The following DACH1 variants were observed in gnomAD, a reference collection of about 807,000 sequenced individuals.
DACH1 encodes the protein dachshund family transcription factor 1, also known as dachshund homolog 1.
A neutral mutation model predicts 54.2 loss-of-function variants in DACH1; 12 were observed. The ratio of observed to expected loss-of-function variants is 0.22; its 90% CI spans 0.14 to 0.36. The LOEUF (loss-of-function observed/expected upper bound fraction) is 0.36. DACH1 is among the 10% of genes least tolerant of loss of function. The pLI is 1.00. For missense variants in DACH1, 805 were observed against 929.8 expected, an observed-to-expected ratio of 0.87 and a Z score of 1.75; for synonymous variants, 386 against 366.2, an observed-to-expected ratio of 1.05 and a Z score of -0.62.
intron 6 of DACH1, among the ~76,000 whole-genome samples, chr13:71,531,326 G>T (rs1293073644): frequency 6.6e-6 from 1 of 151,920 alleles, no homozygotes; most frequent in African/African-American, 2.4e-5. Context: ...CAAATACATT[G>T]TGTTCACATG....
rs537631181 is a variant in DACH1, at chr13:71,632,631, T to C, written c.965-1914A>G. ...GGAATTATAAGGAAGTATTTTTCCA[T>C]GAAAATCTCTGCTGGCTTTTTAGAG... On this transcript the variant is annotated intron_variant, in intron 2 of 10. Transcript: ENST00000613252. 6.0e-4 allele frequency among the ~76,000 whole-genome samples: 92 copies of C among 152,258 alleles called. 1 individual carries two copies. The South Asian group carries it at 0.018, about 31-fold the overall frequency.
chr13:71,860,839 C>T (rs1219843215), intron 1 of DACH1, among the ~76,000 whole-genome samples: 1 of 151,910 alleles, frequency 6.6e-6, no homozygotes, highest in African/African-American at 2.4e-5. Flanking sequence ...ACAAATTGTT[C>T]TTAAAATAAC....
rs73523406 is a variant in DACH1, at chr13:71,664,836, T to A, written c.964+16959A>T. Among the ~76,000 whole-genome samples the A allele has an allele frequency of 4.3e-3, 650 of 152,178 alleles. 9 individuals carry two copies. Among genetic ancestry groups the A allele is most frequent in the African/African-American group, 0.015 (620 of 41,564 alleles). ...AATAGCTTCAACTACTTTTGCTAAT[T>A]ATATCAAACAGTTTAATGTCTAATA... On this transcript the variant is annotated intron_variant, in intron 2 of 10. Coordinates refer to ENST00000613252, the MANE Select transcript of DACH1 (RefSeq NM_080759.6).
chr13:71,819,162 C>T (rs1036781640), intron 1 of DACH1, among the ~76,000 whole-genome samples: 1 of 152,132 alleles, frequency 6.6e-6, no homozygotes, highest in African/African-American at 2.4e-5. Flanking sequence ...AGTCTCCCTG[C>T]AAGAACTGTG....
intron 1 of DACH1, among the ~76,000 whole-genome samples, chr13:71,705,577 T>C (rs1042484620): frequency 6.6e-6 from 1 of 152,210 alleles, no homozygotes; most frequent in Non-Finnish European, 1.5e-5. Context: ...GAATTCTTCA[T>C]TGAATTCACA....
chr13:71,774,629 T>C, intron 1 of DACH1, among the ~76,000 whole-genome samples: 1 of 152,118 alleles, frequency 6.6e-6, no homozygotes, highest in East Asian at 1.9e-4. Flanking sequence ...GAAACGGATT[T>C]TAAAAGCTTA....
chr13:71,601,617 A>G (rs1302358106), intron 3 of DACH1, among the ~76,000 whole-genome samples: 1 of 151,974 alleles, frequency 6.6e-6, no homozygotes, highest in African/African-American at 2.4e-5. Flanking sequence ...TTTCTAAACA[A>G]AACAAAAACA....
chr13:71,573,052 C>A, intron 3 of DACH1, 40 bp from the exon 4 acceptor site: 6 of 1,549,596 alleles, frequency 3.9e-6, no homozygotes, highest in Non-Finnish European at 5.2e-6. Context: ...CTCTGGAGGA[C>A]ATAAATCATT....
At chr13:71,565,983 T>C (rs760123588) in intron 4 of DACH1, among the ~76,000 whole-genome samples, 6 of 152,236 alleles carry the variant, frequency 3.9e-5, no homozygotes, top group Middle Eastern at 3.4e-3. Context: ...GCGTCTTAAT[T>C]AAAAGGTAGG....
At chr13:71,822,009 C>T (rs1272958517) in intron 1 of DACH1, among the ~76,000 whole-genome samples, 1 of 151,886 alleles carries the variant, frequency 6.6e-6, no homozygotes, top group Non-Finnish European at 1.5e-5. Flanking sequence ...TGCAGTGAAC[C>T]GAGATCGCAC....
chr13:71,626,444 G>A (rs1410009870), intron 3 of DACH1, among the ~76,000 whole-genome samples: 2 of 151,794 alleles, frequency 1.3e-5, no homozygotes, highest in Admixed American at 1.3e-4. Context: ...TTTAAATTCC[G>A]CCTTTGCATT....
chr13:71,473,088 A>C (rs1461081142), intron 10 of DACH1, among the ~76,000 whole-genome samples: 14 of 152,176 alleles, frequency 9.2e-5, no homozygotes, highest in Non-Finnish European at 1.9e-4. Context: ...ATTCATTGAC[A>C]GTGTTTTTTC....
chr13:71,629,591 C>G (rs530582646), intron 3 of DACH1, among the ~76,000 whole-genome samples: 1 of 152,200 alleles, frequency 6.6e-6, no homozygotes, highest in Admixed American at 6.6e-5. Flanking sequence ...ATACCCTTAA[C>G]TATGTCTTAA....
At position 71,439,768 on chromosome 13, in the gene DACH1, T is replaced by C. The variant is rs1182583332; in HGVS notation, c.*887A>G. 6.6e-6 allele frequency: 1 copy of C among 152,410 alleles called. No individual in the cohort carries two copies. Among genetic ancestry groups the C allele is most frequent in the Non-Finnish European group, 1.5e-5 (1 of 67,922 alleles). The allele number at this position is 152,410 out of a possible 1,614,324, so 9.4% of individuals were successfully genotyped here. On this transcript the variant is annotated 3_prime_UTR_variant, in exon 11 of 11. Coordinates refer to ENST00000613252, the MANE Select transcript of DACH1 (RefSeq NM_080759.6). Reference sequence around the variant, plus strand: ...GACCAACAGGGTGACAAAACATATTTTCTAAAATTTTCATTTTCCTAAACT... The same window carrying C: ...GACCAACAGGGTGACAAAACATATTCTCTAAAATTTTCATTTTCCTAAACT...
intron 5 of DACH1, 23 bp downstream of exon 5, chr13:71,559,797 A>G: frequency 1.2e-6 from 2 of 1,613,490 alleles, no homozygotes; most frequent in Non-Finnish European, 1.7e-6. Flanking sequence ...TAAAATGGTG[A>G]CAAGTAGAAG....
intron 1 of DACH1, among the ~76,000 whole-genome samples, chr13:71,765,650 G>GATATCATAATA (rs1885587429): frequency 1.3e-5 from 2 of 152,154 alleles, no homozygotes; most frequent in African/African-American, 4.8e-5. Flanking sequence ...CAGTAATAAT[G>GATATCATAATA]ATGGTTATCA....
At chr13:71,716,118 TC>T (rs1210840811) in intron 1 of DACH1, among the ~76,000 whole-genome samples, 1 of 150,702 alleles carries the variant, frequency 6.6e-6, no homozygotes, top group African/African-American at 2.4e-5. Flanking sequence ...GCCCAGAGAG[TC>T]TTCCCAATCC....
chr13:71,756,535 A>C (rs551008083), intron 1 of DACH1, among the ~76,000 whole-genome samples: 9 of 151,792 alleles, frequency 5.9e-5, no homozygotes, highest in East Asian at 1.9e-4. Context: ...AAAAAAAAAA[A>C]CATTTTATTT....
intron 3 of DACH1, among the ~76,000 whole-genome samples, chr13:71,582,826 G>A (rs1370687777): frequency 2.6e-5 from 4 of 152,026 alleles, no homozygotes; most frequent in African/African-American, 9.7e-5. Flanking sequence ...AGGTTTTCAA[G>A]GTCAAAAGGA....
Sources: allele counts gnomAD v4.1 joint callset (sites outside exome capture counted in the v4.1 genomes callset), GRCh38; gene constraint gnomAD v4.1.1; transcripts MANE v1.5; gene names NCBI Gene and HGNC (gene_info 2026-07-23, HGNC 2026-07-21).